Variants in NRXN1 observed in about 807,000 individuals in gnomAD.
The protein encoded by NRXN1 is neurexin 1, also known as neurexin-1.
NRXN1 carries 39 observed loss-of-function variants against 150.9 expected under a neutral mutation model. That is an observed-to-expected ratio of 0.26 (90% CI 0.20 to 0.34). The LOEUF (loss-of-function observed/expected upper bound fraction) is 0.34, where lower values mean the gene tolerates loss of function less well. Among genes scored for constraint, NRXN1 ranks in the 10% least tolerant of loss-of-function variants. NRXN1 has a pLI of 1.00. For missense variants in NRXN1, 1,815 were observed against 1,949.9 expected, an observed-to-expected ratio of 0.93 and a Z score of 1.30; for synonymous variants, 924 against 757.0, an observed-to-expected ratio of 1.22 and a Z score of -3.62.
chr2:50,829,692 C>T (rs1199963538), intron 5 of NRXN1: 1 of 1,606,462 alleles, frequency 6.2e-7, no homozygotes, highest in Non-Finnish European at 8.5e-7. Flanking sequence ...AGCGCCGCGC[C>T]AGGCCGCCCG....
intron 2 of NRXN1, among the ~76,000 whole-genome samples, chr2:51,008,102 A>T (rs993587066): frequency 6.6e-5 from 10 of 151,886 alleles, no homozygotes; most frequent in Non-Finnish European, 8.8e-5. Context: ...TTGCTCTTTG[A>T]TTGTTGCTGG....
chr2:50,779,517 C>T (rs1199683389), intron 5 of NRXN1, among the ~76,000 whole-genome samples: 1 of 152,144 alleles, frequency 6.6e-6, no homozygotes, highest in Admixed American at 6.5e-5. Context: ...GCCTGTAATC[C>T]TAGCACTTTG....
intron 18 of NRXN1, among the ~76,000 whole-genome samples, chr2:50,203,430 C>A (rs895776814): frequency 3.9e-5 from 6 of 152,090 alleles, no homozygotes; most frequent in Admixed American, 6.6e-5. Context: ...ATGTTTGAAG[C>A]ATTTGAAAGA....
chr2:50,035,250 C>T (rs948958906), intron 21 of NRXN1, among the ~76,000 whole-genome samples: 6 of 152,064 alleles, frequency 3.9e-5, no homozygotes, highest in African/African-American at 1.2e-4. Context: ...CAGCATTTCT[C>T]ATGATCTAGG....
At chr2:50,164,287 A>G (rs2059543363) in intron 18 of NRXN1, among the ~76,000 whole-genome samples, 1 of 152,194 alleles carries the variant, frequency 6.6e-6, no homozygotes, top group Non-Finnish European at 1.5e-5. Context: ...TCTGCTCCCC[A>G]AGTTAAAATG....
At chr2:50,251,088 C>T (rs1387031290) in intron 17 of NRXN1, among the ~76,000 whole-genome samples, 2 of 151,264 alleles carry the variant, frequency 1.3e-5, no homozygotes, top group African/African-American at 4.9e-5. Context: ...TATTGTATTA[C>T]ATATGTAATA....
In NRXN1 at chr2:50,983,704, A is replaced by T. The variant is rs200490018; in HGVS notation, c.772+43798T>A. On this transcript the variant is annotated intron_variant, in intron 2 of 22. Coordinates refer to ENST00000401669, the MANE Select transcript of NRXN1 (RefSeq NM_001330078.2). ...AAAGGCAAACGTAAAAAAAGAAAAA[A>T]CATAAAATAAAAATCTGTTCATTTT... Among the ~76,000 whole-genome samples the T allele has an allele frequency of 3.9e-5, 6 of 152,132 alleles. No individual in the cohort carries two copies. In the East Asian group the frequency reaches 1.2e-3, roughly 29 times the overall value.
intron 5 of NRXN1, among the ~76,000 whole-genome samples, chr2:50,852,377 T>C (rs888442033): frequency 6.6e-6 from 1 of 152,194 alleles, no homozygotes; most frequent in Non-Finnish European, 1.5e-5. Context: ...TGAGGAGCCT[T>C]GAATGTCCCT....
At chr2:50,577,398 A>G (rs540382966) in intron 8 of NRXN1, among the ~76,000 whole-genome samples, 49 of 151,894 alleles carry the variant, frequency 3.2e-4, no homozygotes, top group South Asian at 6.2e-4. Context: ...TGGCAAAAGT[A>G]TCTAATTCTA....
chr2:50,744,878 G>A (rs997304280), intron 5 of NRXN1, among the ~76,000 whole-genome samples: 2 of 152,082 alleles, frequency 1.3e-5, no homozygotes, highest in Admixed American at 6.6e-5. Flanking sequence ...TGCTTTCAAG[G>A]TTATGGCAAC....
chr2:50,527,084 A>G (rs1313364557), intron 12 of NRXN1, among the ~76,000 whole-genome samples: 1 of 152,222 alleles, frequency 6.6e-6, no homozygotes, highest in Non-Finnish European at 1.5e-5. Flanking sequence ...TATTTTGTAA[A>G]TTCAAAAATT....
chr2:50,810,355 G>A (rs900304841), intron 5 of NRXN1, among the ~76,000 whole-genome samples: 2 of 152,142 alleles, frequency 1.3e-5, no homozygotes, highest in Admixed American at 1.3e-4. Context: ...ATAGAGAGAA[G>A]TTTCTGAATA....
intron 17 of NRXN1, among the ~76,000 whole-genome samples, chr2:50,285,269 T>C (rs1407505638): frequency 6.6e-6 from 1 of 152,206 alleles, no homozygotes; most frequent in Non-Finnish European, 1.5e-5. Context: ...TACAATAATT[T>C]GTATTTATTT....
At chr2:50,960,346 C>T (rs1276196247) in intron 2 of NRXN1, among the ~76,000 whole-genome samples, 1 of 150,662 alleles carries the variant, frequency 6.6e-6, no homozygotes, top group African/African-American at 2.4e-5. Context: ...TCCTTCCCTC[C>T]TTTCCTTCCT....
chr2:50,815,851 C>T (rs72889448), intron 5 of NRXN1, among the ~76,000 whole-genome samples: 2,527 of 152,160 alleles, frequency 0.017, 79 homozygotes, highest in African/African-American at 0.058. Flanking sequence ...CCCCAGTGCC[C>T]ATCTTCCTAC....
chr2:50,972,370 T>G (rs183716903), intron 2 of NRXN1, among the ~76,000 whole-genome samples: 10 of 152,140 alleles, frequency 6.6e-5, no homozygotes, highest in African/African-American at 2.4e-4. Context: ...CCAATCTATA[T>G]GCCACTTTGT....
At chr2:50,507,622 T>G (rs919973477) in intron 12 of NRXN1, among the ~76,000 whole-genome samples, 29 of 105,580 alleles carry the variant, frequency 2.7e-4, no homozygotes, top group African/African-American at 1.0e-3. Flanking sequence ...TAAGTTAGAC[T>G]ATATCCGTCA....
chr2:50,176,255 A>G (rs948791573), intron 18 of NRXN1, among the ~76,000 whole-genome samples: 11 of 152,156 alleles, frequency 7.2e-5, no homozygotes, highest in African/African-American at 2.7e-4. Context: ...TTTTAGCTCA[A>G]TTTCTTTTGG....
intron 17 of NRXN1, among the ~76,000 whole-genome samples, chr2:50,289,795 A>G (rs1237515641): frequency 6.6e-6 from 1 of 152,170 alleles, no homozygotes; most frequent in African/African-American, 2.4e-5. Context: ...TTCAAGTAGA[A>G]TCAAGACACT....
Sources: gnomAD v4.1 joint callset for allele counts (sites outside exome capture counted in the v4.1 genomes callset) on GRCh38, gnomAD v4.1.1 for gene constraint, MANE v1.5 for transcripts, NCBI Gene and HGNC (gene_info 2026-07-23, HGNC 2026-07-21) for gene names.